Variants in PLCL1 observed in about 807,000 individuals in gnomAD.
The protein encoded by PLCL1 is inactive phospholipase C-like protein 1.
A neutral mutation model predicts 84.4 loss-of-function variants in PLCL1; 41 were observed. The observed-to-expected ratio is 0.49, with a 90% CI of 0.38 to 0.63. The LOEUF (loss-of-function observed/expected upper bound fraction) is 0.63. Ranked by LOEUF, PLCL1 falls within the 30% of genes least tolerant of loss-of-function variation. The pLI is 0.00. For missense variants in PLCL1, 1,206 were observed against 1,367.8 expected, an observed-to-expected ratio of 0.88 and a Z score of 1.87; for synonymous variants, 490 against 488.3, an observed-to-expected ratio of 1.00 and a Z score of -0.05.
intron 5 of PLCL1, among the ~76,000 whole-genome samples, chr2:198,140,433 A>G (rs1432777400): frequency 6.6e-6 from 1 of 152,172 alleles, no homozygotes; most frequent in Non-Finnish European, 1.5e-5. Flanking sequence ...TTTTCTGCTT[A>G]AAATGCAGTT....
At chr2:197,999,364 G>A (rs1380367257) in intron 1 of PLCL1, among the ~76,000 whole-genome samples, 1 of 152,236 alleles carries the variant, frequency 6.6e-6, no homozygotes, top group East Asian at 1.9e-4. Flanking sequence ...ATGTAGTTTA[G>A]TAGTAGCAGT....
chr2:198,123,652 G>T (rs1003314032), intron 5 of PLCL1, among the ~76,000 whole-genome samples: 20 of 151,974 alleles, frequency 1.3e-4, no homozygotes, highest in African/African-American at 4.8e-4. Flanking sequence ...AATTTCTGTT[G>T]CTTAAGCTAC....
chr2:197,939,576 C>T (rs946002683), intron 1 of PLCL1, among the ~76,000 whole-genome samples: 4 of 152,080 alleles, frequency 2.6e-5, no homozygotes, highest in South Asian at 2.1e-4. Context: ...TGTACCCATC[C>T]GTATCCTGTT....
chr2:197,977,234 G>A (rs138888728), intron 1 of PLCL1, among the ~76,000 whole-genome samples: 174 of 152,182 alleles, frequency 1.1e-3, no homozygotes, highest in African/African-American at 4.0e-3. Flanking sequence ...TTAATTTAGC[G>A]ATCCAATAAC....
At chr2:197,848,035 C>T (rs564487680) in intron 1 of PLCL1, among the ~76,000 whole-genome samples, 22 of 152,148 alleles carry the variant, frequency 1.4e-4, no homozygotes, top group African/African-American at 3.6e-4. Flanking sequence ...AAGTGTTAAA[C>T]GGGATAAAAC....
rs368673391 is a variant in PLCL1 at position 197,909,343 on chromosome 2, T to G, written c.240+104004T>G. 4.5e-4 allele frequency among the ~76,000 whole-genome samples: 67 copies of G among 150,078 alleles called. No homozygotes were observed. In the South Asian group the frequency reaches 0.014, roughly 31 times the overall value. Reference sequence around the variant, plus strand: ...TTCTTTTTCTCTTTTTTTTTTTCCTTTTTTGCTAAGGAACAGAAGTGGGCA... The same window carrying G: ...TTCTTTTTCTCTTTTTTTTTTTCCTGTTTTGCTAAGGAACAGAAGTGGGCA... On this transcript the variant is annotated intron_variant, in intron 1 of 5. Coordinates refer to ENST00000428675, the MANE Select transcript of PLCL1 (RefSeq NM_006226.4).
In PLCL1 at chr2:197,907,402, C is replaced by A. The variant is rs183841244; in HGVS notation, c.240+102063C>A. Among the ~76,000 whole-genome samples, 374 of 152,216 alleles carry A rather than the reference C, an allele frequency of 2.5e-3. 4 individuals carry two copies. Among genetic ancestry groups the A allele is most frequent in the Middle Eastern group, 0.01 (3 of 294 alleles). On this transcript the variant is annotated intron_variant, in intron 1 of 5. Transcript: ENST00000428675. ...TACAGGCCTGTGCTACCACGCCTGG[C>A]TAACTTTTGTATTTTTAGTGGAGAC... is the stretch of plus-strand genomic sequence containing the variant.
Position 197,805,864 on chromosome 2 carries a change from T to G in PLCL1, c.240+525T>G, listed in dbSNP as rs1372272878. 6.6e-6 allele frequency among the ~76,000 whole-genome samples: 1 copy of G among 152,182 alleles called. No individual in the cohort carries two copies. Among genetic ancestry groups the G allele is most frequent in the African/African-American group, 2.4e-5 (1 of 41,444 alleles). ...GACCCTGCATCACAGTAAAGAGCAA[T>G]GCAAGAGCCCAGAGTTTTTGCGCTG... On this transcript the variant is annotated intron_variant, in intron 1 of 5. Coordinates refer to ENST00000428675, the MANE Select transcript of PLCL1 (RefSeq NM_006226.4). This position sits in a 1 kb window ranked among gnomAD's most constrained non-coding sequence, Gnocchi z 4.0.
At chr2:198,065,080 C>A (rs185867784) in intron 1 of PLCL1, among the ~76,000 whole-genome samples, 1 of 152,166 alleles carries the variant, frequency 6.6e-6, no homozygotes, top group Non-Finnish European at 1.5e-5. Context: ...AATGGACACA[C>A]TCAACATCCT....
chr2:197,827,255 G>C (rs1189160647), intron 1 of PLCL1, among the ~76,000 whole-genome samples: 1 of 152,112 alleles, frequency 6.6e-6, no homozygotes, highest in Non-Finnish European at 1.5e-5. Flanking sequence ...CGTGGGTCAG[G>C]AGGCCCAGTG....
intron 1 of PLCL1, among the ~76,000 whole-genome samples, chr2:197,886,395 G>C (rs1198771781): frequency 1.0e-5 from 1 of 98,808 alleles, no homozygotes; most frequent in East Asian, 4.3e-4. Flanking sequence ...CTGGGCAACA[G>C]AATGAGACTC....
intron 1 of PLCL1, among the ~76,000 whole-genome samples, chr2:197,886,107 A>G (rs1307121484): frequency 6.6e-6 from 1 of 152,096 alleles, no homozygotes; most frequent in African/African-American, 2.4e-5. Context: ...ATGCCAACAC[A>G]TATCCTTTAA....
chr2:197,930,224 C>T (rs1688906457), intron 1 of PLCL1, among the ~76,000 whole-genome samples: 1 of 152,192 alleles, frequency 6.6e-6, no homozygotes, highest in South Asian at 2.1e-4. Context: ...ATCCCAACCT[C>T]CCACTTTAAA....
At chr2:198,094,638 G>A (rs1198934467) in intron 3 of PLCL1, among the ~76,000 whole-genome samples, 1 of 152,130 alleles carries the variant, frequency 6.6e-6, no homozygotes, top group Admixed American at 6.5e-5. Context: ...ACATCCCTGT[G>A]AGTAATAACA....
At chr2:198,125,054 T>A (rs1372154955) in intron 5 of PLCL1, among the ~76,000 whole-genome samples, 3 of 152,178 alleles carry the variant, frequency 2.0e-5, no homozygotes, top group Non-Finnish European at 4.4e-5. Flanking sequence ...GTTTCTGCAC[T>A]GCTGAAAGTT....
At chr2:197,993,974 G>A (rs1690403289) in intron 1 of PLCL1, among the ~76,000 whole-genome samples, 1 of 152,180 alleles carries the variant, frequency 6.6e-6, no homozygotes, top group African/African-American at 2.4e-5. Flanking sequence ...TCAAACCACA[G>A]GCTTTTCTCT....
chr2:197,955,431 T>TAA lies in PLCL1; in HGVS notation c.241-128315_241-128314dup, dbSNP rs34953848. 7.9e-3 allele frequency among the ~76,000 whole-genome samples: 1,140 copies of TAA among 143,468 alleles called. 6 individuals are homozygous for TAA. Among genetic ancestry groups the TAA allele is most frequent in the Middle Eastern group, 0.028 (8 of 282 alleles). 94.1% of individuals were successfully genotyped at this position (143,468 alleles called of 152,430 possible). A position where few individuals can be genotyped will look rare whatever the true frequency, so the allele number is the denominator to read the frequency against. On this transcript the variant is annotated intron_variant, in intron 1 of 5. Transcript: ENST00000428675. ...ATCTAATTTTTTTCTTTATTTCTTC[T>TAA]AAAAAAAAAAAAAGAAATGGGATAC...
chr2:198,099,793 T>C (rs1693287175), intron 3 of PLCL1, among the ~76,000 whole-genome samples: 1 of 152,174 alleles, frequency 6.6e-6, no homozygotes, highest in Non-Finnish European at 1.5e-5. Context: ...ACTTGAACTA[T>C]AAGGTTTTGG....
intron 1 of PLCL1, among the ~76,000 whole-genome samples, chr2:198,048,688 C>T (rs928291213): frequency 2.6e-5 from 4 of 152,156 alleles, no homozygotes; most frequent in Admixed American, 2.6e-4. Flanking sequence ...GGGAGGACAC[C>T]AGGCCATTCA....
Sources: gnomAD v4.1 joint callset for allele counts (sites outside exome capture counted in the v4.1 genomes callset) on GRCh38, gnomAD v4.1.1 for gene constraint, Gnocchi (gnomAD v3.1) non-coding constraint, MANE v1.5 for transcripts, NCBI Gene and HGNC (gene_info 2026-07-23, HGNC 2026-07-21) for gene names.